The following KALRN variants were observed in gnomAD, a reference collection of about 807,000 sequenced individuals.
The protein encoded by KALRN is kalirin RhoGEF kinase, also known as kalirin.
In KALRN, 70 loss-of-function variants were observed where a neutral mutation model predicts 353.7. That is an observed-to-expected ratio of 0.20 (90% confidence interval 0.16 to 0.24). The LOEUF is 0.24. Among genes scored for constraint, KALRN ranks in the 10% least tolerant of loss-of-function variants. KALRN has a pLI of 1.00. For missense variants in KALRN, 2,791 were observed against 3,756.7 expected, an observed-to-expected ratio of 0.74 and a Z score of 6.72; for synonymous variants, 1,391 against 1,434.8, an observed-to-expected ratio of 0.97 and a Z score of 0.69.
intron 1 of KALRN, among the ~76,000 whole-genome samples, chr3:124,077,749 C>T (rs2060332656): frequency 6.6e-6 from 1 of 152,332 alleles, no homozygotes; most frequent in African/African-American, 2.4e-5. Context: ...AGTCTTTGAA[C>T]CTTGGCATGC....
chr3:124,106,792 C>G (rs558301441), intron 1 of KALRN, among the ~76,000 whole-genome samples: 4 of 152,322 alleles, frequency 2.6e-5, no homozygotes, highest in Non-Finnish European at 5.9e-5. Context: ...AGACCTCTTT[C>G]CATTATATTC....
chr3:124,335,145 G>A (rs1008144458), intron 9 of KALRN, among the ~76,000 whole-genome samples: 1 of 152,120 alleles, frequency 6.6e-6, no homozygotes, highest in African/African-American at 2.4e-5. Context: ...TTGCTAGACA[G>A]CTTGGGGGTG....
intron 1 of KALRN, among the ~76,000 whole-genome samples, chr3:124,146,890 A>AAAAAAAAG (rs1441074306): frequency 1.1e-4 from 17 of 150,598 alleles, no homozygotes; most frequent in Non-Finnish European, 2.2e-4. Context: ...AAAAAAAAAA[A>AAAAAAAAG]AAAAGAAAAG....
chr3:124,223,278 T>C (rs1019296622), intron 1 of KALRN, among the ~76,000 whole-genome samples: 4 of 151,924 alleles, frequency 2.6e-5, no homozygotes. Context: ...AATAGGAAAA[T>C]TTCAAAATTA....
At chr3:124,230,681 C>CTTA (rs2079043252) in intron 2 of KALRN, among the ~76,000 whole-genome samples, 1 of 152,076 alleles carries the variant, frequency 6.6e-6, no homozygotes. Flanking sequence ...AGCCGAACAG[C>CTTA]CTGGGGTAAG....
intron 1 of KALRN, among the ~76,000 whole-genome samples, chr3:124,078,866 ACAAGGGTTGTTGATTGTATT>A (rs984328445): frequency 4.0e-4 from 61 of 152,324 alleles, no homozygotes; most frequent in African/African-American, 1.5e-3. Flanking sequence ...AGGGACTGGG[ACAAGGGTTGTTGATTGTATT>A]CAACTTTTAC....
chr3:124,346,527 TTTGG>T (rs912858563), intron 9 of KALRN, among the ~76,000 whole-genome samples: 1 of 152,120 alleles, frequency 6.6e-6, no homozygotes, highest in African/African-American at 2.4e-5. Context: ...TATTTGTTTG[TTTGG>T]TTGGTTGGTT....
At chr3:124,399,643 G>A (rs2090608438) in intron 13 of KALRN, among the ~76,000 whole-genome samples, 1 of 152,196 alleles carries the variant, frequency 6.6e-6, no homozygotes, top group Non-Finnish European at 1.5e-5. Context: ...AAGAAGCCAA[G>A]CGCCACAGGA....
chr3:124,052,137 C>T (rs1028720651), intron 1 of KALRN, among the ~76,000 whole-genome samples: 6 of 152,190 alleles, frequency 3.9e-5, no homozygotes, highest in Non-Finnish European at 7.3e-5. Context: ...TTCATCTCTA[C>T]AGCTCAAGAC....
intron 1 of KALRN, among the ~76,000 whole-genome samples, chr3:124,056,553 C>G (rs753399989): frequency 3.9e-5 from 6 of 152,306 alleles, no homozygotes; most frequent in Middle Eastern, 3.4e-3. Context: ...TCTTGAAAGT[C>G]TATGGGGTCT....
intron 11 of KALRN, among the ~76,000 whole-genome samples, chr3:124,388,805 A>G (rs898483399): frequency 2.5e-4 from 38 of 152,258 alleles, no homozygotes; most frequent in African/African-American, 8.2e-4. Context: ...CTCATGGAAG[A>G]ACTCCTGTGG....
chr3:124,296,916 G>A (rs888126127), intron 5 of KALRN, among the ~76,000 whole-genome samples: 1 of 152,182 alleles, frequency 6.6e-6, no homozygotes, highest in Non-Finnish European at 1.5e-5. Flanking sequence ...ACTCCTCAAG[G>A]ATAGGTGAGG....
intron 34 of KALRN, among the ~76,000 whole-genome samples, chr3:124,618,177 C>T (rs1187998971): frequency 2.1e-5 from 3 of 141,044 alleles, no homozygotes; most frequent in Non-Finnish European, 4.5e-5. Flanking sequence ...GGCACGATCT[C>T]GGCTCACTGC....
At chr3:124,294,445 G>A (rs759145013) in intron 5 of KALRN, among the ~76,000 whole-genome samples, 6 of 151,412 alleles carry the variant, frequency 4.0e-5, no homozygotes, top group Admixed American at 6.6e-5. Context: ...GCAATGTAAT[G>A]ATGAAGGGTG....
chr3:124,181,470 G>A (rs1950091), intron 1 of KALRN, among the ~76,000 whole-genome samples: 16,499 of 152,218 alleles, frequency 0.11, 1,178 homozygotes, highest in Middle Eastern at 0.2. Context: ...ATGAGGAGGT[G>A]AGGTTTTGGG....
chr3:124,552,593 T>C lies in KALRN; in HGVS notation c.4936-10250T>C, dbSNP rs1435883325. On this transcript the variant is annotated intron_variant, in intron 33 of 59. Transcript: ENST00000682506. ...TGTTGTTTCTCTAGGATGCCCAGTA[T>C]AGGAAGAGCAGAAAGTCACATCCGT... 2.2e-4 allele frequency among the ~76,000 whole-genome samples: 34 copies of C among 152,160 alleles called. 1 individual carries two copies. Among genetic ancestry groups the C allele is most frequent in the Admixed American group, 2.2e-3 (33 of 15,272 alleles).
rs144227126 is a variant in KALRN, at chr3:124,252,806, C to T, written c.264-11692C>T. On this transcript the variant is annotated intron_variant, in intron 3 of 59. Transcript: ENST00000682506. ...GTCACCCATGACCCAGCGGAGAGAG[C>T]GCATGAGCAGCACAGGGAGCCCCAC... Among the ~76,000 whole-genome samples the T allele has an allele frequency of 1.1e-3, 162 of 152,292 alleles. 1 individual carries two copies. The East Asian group carries it at 0.014, about 13-fold the overall frequency.
chr3:124,393,350 G>A (rs1010016282), intron 11 of KALRN, among the ~76,000 whole-genome samples: 7 of 151,946 alleles, frequency 4.6e-5, no homozygotes, highest in African/African-American at 1.7e-4. Flanking sequence ...TAGAAAATGT[G>A]TTTTCTCTCT....
chr3:124,114,879 G>A (rs146099471), intron 1 of KALRN, among the ~76,000 whole-genome samples: 207 of 152,302 alleles, frequency 1.4e-3, no homozygotes, highest in African/African-American at 4.2e-3. Flanking sequence ...GAAACTTCCC[G>A]TCAGTGAGGT....
Sources: allele counts gnomAD v4.1 joint callset (sites outside exome capture counted in the v4.1 genomes callset), GRCh38; gene constraint gnomAD v4.1.1; transcripts MANE v1.5; gene names NCBI Gene and HGNC (gene_info 2026-07-23, HGNC 2026-07-21).